Variants in TMPRSS11B observed in about 807,000 individuals in gnomAD.
TMPRSS11B encodes transmembrane protease serine 11B.
TMPRSS11B carries 53 observed loss-of-function variants against 44.7 expected under a neutral mutation model. The observed-to-expected ratio is 1.19, with a 90% CI of 0.95 to 1.49. TMPRSS11B has a LOEUF of 1.49. Ranked by LOEUF, TMPRSS11B falls within the 40% of genes most tolerant of loss-of-function variation. The probability of loss-of-function intolerance (pLI) is 0.00; values close to 1 mark genes in which losing one functional copy is unlikely to be tolerated. For synonymous variants in TMPRSS11B, 140 were observed against 159.2 expected (o/e 0.88, Z 0.91); for missense variants, 526 against 494.8 (o/e 1.06, Z -0.60).
chr4:68,231,769 T>A (rs959681823), intron 6 of TMPRSS11B: 10 of 159,732 alleles, frequency 6.3e-5, no homozygotes, highest in Non-Finnish European at 1.4e-4. Flanking sequence ...AGTGAATGAA[T>A]GCATAAATGT....
At chr4:68,235,152 A>G (rs1183784055) in intron 4 of TMPRSS11B, among the ~76,000 whole-genome samples, 1 of 152,206 alleles carries the variant, frequency 6.6e-6, no homozygotes. Context: ...TAAAGCATGA[A>G]GGACATCTTG....
chr4:68,239,251 C>G (rs1051191984), intron 2 of TMPRSS11B, among the ~76,000 whole-genome samples: 1 of 148,980 alleles, frequency 6.7e-6, no homozygotes, highest in Non-Finnish European at 1.5e-5. Flanking sequence ...ATCTCTCTTG[C>G]GCGCTCTCTC....
chr4:68,240,250 C>T (rs961124619), intron 2 of TMPRSS11B, among the ~76,000 whole-genome samples: 3 of 152,118 alleles, frequency 2.0e-5, no homozygotes, highest in East Asian at 1.9e-4. Context: ...ATATTATATT[C>T]GTTCCTAAGC....
chr4:68,228,826 G>C lies in TMPRSS11B; in HGVS notation c.1005C>G (p.Cys335Trp), dbSNP rs778338504. Residue 335 changes from cysteine to tryptophan, a missense_variant, in exon 9 of 10, where the codon TGC becomes TGG. Physicochemically the swap from Cys to Trp is radical, Grantham distance 215 (BLOSUM62 -2). Transcript: ENST00000332644. ...AGCCAGAGTATGCATATGAGGCATT[G>C]CAAATTTTGTTGTCAATAATCTTCA... is the stretch of plus-strand genomic sequence containing the variant. The part of the protein sequence containing the change: ...DFLKIIDNKI[C>W]NASYAYSGFV... 2 of 1,613,690 alleles carry C rather than the reference G, an allele frequency of 1.2e-6. No homozygotes were observed. The highest frequency in any genetic ancestry group is 1.7e-6 in the Non-Finnish European group (2 of 1,179,816).
chr4:68,232,281 AT>A (rs1187369920), intron 6 of TMPRSS11B, 96 bp downstream of exon 6: 4 of 1,203,842 alleles, frequency 3.3e-6, no homozygotes, highest in East Asian at 2.4e-5. Context: ...GTGTTATGGG[AT>A]TTCCACATGA....
chr4:68,236,905 A>G (rs999668422), intron 2 of TMPRSS11B, among the ~76,000 whole-genome samples: 1 of 144,094 alleles, frequency 6.9e-6, no homozygotes, highest in Admixed American at 7.1e-5. Flanking sequence ...CCTGGAGGAC[A>G]CCATGGTGCC....
intron 5 of TMPRSS11B, 113 bp downstream of exon 5, chr4:68,234,350 C>A (rs559619837): frequency 1.5e-5 from 16 of 1,039,430 alleles, no homozygotes; most frequent in Non-Finnish European, 2.1e-5. Context: ...GAGTTAGGTA[C>A]GCATATTTTT....
intron 1 of TMPRSS11B, among the ~76,000 whole-genome samples, chr4:68,243,794 G>A (rs975790989): frequency 6.6e-6 from 1 of 152,126 alleles, no homozygotes. Flanking sequence ...ACATTATGTA[G>A]CCTAAATAAT....
At chr4:68,239,595 T>C (rs966406447) in intron 2 of TMPRSS11B, among the ~76,000 whole-genome samples, 9 of 152,244 alleles carry the variant, frequency 5.9e-5, no homozygotes, top group African/African-American at 2.2e-4. Context: ...TCAGTGATTT[T>C]CAGTTTTACA....
chr4:68,243,809 C>G (rs1719931229), intron 1 of TMPRSS11B, among the ~76,000 whole-genome samples: 1 of 151,990 alleles, frequency 6.6e-6, no homozygotes, highest in South Asian at 2.1e-4. Context: ...AATAATTATT[C>G]TAAGTTCTGA....
intron 5 of TMPRSS11B, among the ~76,000 whole-genome samples, chr4:68,232,948 T>C (rs1361798484): frequency 6.6e-6 from 1 of 151,244 alleles, no homozygotes; most frequent in East Asian, 2.0e-4. Context: ...GAATTATATA[T>C]ATTTTAAGGA....
chr4:68,245,499 G>A (rs1028580697), intron 1 of TMPRSS11B, 52 bp downstream of exon 1: 35 of 1,593,286 alleles, frequency 2.2e-5, no homozygotes, highest in Non-Finnish European at 2.8e-5. Context: ...CATACTTAAT[G>A]GCAACTTGCT....
chr4:68,229,375 A>G lies in TMPRSS11B; in HGVS notation c.828T>C (p.Leu276=). ...ACTCTGTAAAAGAAACTTCTTCAGC[A>G]AGCTGCACAAGGGCAATATCATCAT... ...GLHDDIALVQ[L]AEEVSFTEYI... is the part of the protein sequence containing the mutation. Residue 276 remains leucine, a synonymous_variant, in exon 8 of 10, where the codon CTT becomes CTC. Coordinates refer to ENST00000332644, the MANE Select transcript of TMPRSS11B (RefSeq NM_182502.3). 1.9e-6 allele frequency: 3 copies of G among 1,614,128 alleles called. No homozygotes were observed. Among genetic ancestry groups the G allele is most frequent in the Non-Finnish European group, 2.5e-6 (3 of 1,179,986 alleles).
rs554703210 is a variant in TMPRSS11B, at chr4:68,227,810, A to C, written c.*101T>G. 1.4e-5 allele frequency: 10 copies of C among 713,516 alleles called. No individual in the cohort carries two copies. Among genetic ancestry groups the C allele is most frequent in the Non-Finnish European group, 2.0e-5 (10 of 505,046 alleles). The allele number at this position is 713,516 out of a possible 1,614,324, so 44.2% of individuals were successfully genotyped here. On this transcript the variant is annotated 3_prime_UTR_variant, in exon 10 of 10. Transcript: ENST00000332644. ...GACATTTATATTTTTATATATAATAAAATGATTAGTTTACCAACAATCAAA... is the reference window on the plus strand; with the variant it reads ...GACATTTATATTTTTATATATAATACAATGATTAGTTTACCAACAATCAAA...
At chr4:68,237,677 G>A (rs936592226) in intron 2 of TMPRSS11B, among the ~76,000 whole-genome samples, 1 of 152,112 alleles carries the variant, frequency 6.6e-6, no homozygotes, top group Non-Finnish European at 1.5e-5. Flanking sequence ...ACTGCTTCAC[G>A]TGATACATTA....
chr4:68,229,503 T>C lies in TMPRSS11B; in HGVS notation c.700A>G (p.Lys234Glu). The C allele has an allele frequency of 6.2e-7, 1 of 1,612,218 alleles. No homozygotes were observed. Residue 234 changes from lysine (K) to glutamate (E), a missense_variant, in exon 8 of 10, where the codon AAA becomes GAA. Physicochemically the swap from Lys to Glu is moderately conservative, Grantham distance 56. Coordinates refer to ENST00000332644, the MANE Select transcript of TMPRSS11B (RefSeq NM_182502.3). ...AHCFAKKNNSKDWTVNFGIVV... is the reference protein window; with the variant it reads ...AHCFAKKNNSEDWTVNFGIVV... ...ATTCCAAAGTTGACAGTCCAATCTT[T>C]TGAATTATTTTTCCTAGAGGACACA...
At position 68,245,587 on chromosome 4, in the gene TMPRSS11B, G is replaced by A; in HGVS notation, c.-29C>T. The stretch of plus-strand genomic sequence containing the variant: ...GTTCTGATTGTTATGGCAGTATCAG[G>A]TATAACGGTGGTAATGATGATGACG... On this transcript the variant is annotated 5_prime_UTR_variant, in exon 1 of 10. Transcript: ENST00000332644. 6.2e-7 allele frequency: 1 copy of A among 1,611,760 alleles called. No individual in the cohort carries two copies. The highest frequency in any genetic ancestry group is 2.2e-5 in the East Asian group (1 of 44,844).
intron 5 of TMPRSS11B, among the ~76,000 whole-genome samples, chr4:68,233,023 T>A (rs1486787409): frequency 6.6e-6 from 1 of 152,130 alleles, no homozygotes; most frequent in Non-Finnish European, 1.5e-5. Context: ...ATCTCCTTAC[T>A]AAGAATGAAT....
intron 2 of TMPRSS11B, among the ~76,000 whole-genome samples, chr4:68,239,699 T>C (rs1719770521): frequency 6.6e-6 from 1 of 152,204 alleles, no homozygotes; most frequent in Non-Finnish European, 1.5e-5. Flanking sequence ...TTATTACCTC[T>C]CTAAAACATT....
Sources: gnomAD v4.1 joint callset for allele counts (sites outside exome capture counted in the v4.1 genomes callset) on GRCh38, gnomAD v4.1.1 for gene constraint, MANE v1.5 for transcripts, NCBI Gene and HGNC (gene_info 2026-07-23, HGNC 2026-07-21) for gene names.